Variants in ATP9A observed in about 807,000 individuals in gnomAD.
ATP9A encodes ATPase phospholipid transporting 9A, also known as probable phospholipid-transporting ATPase IIA.
Under a neutral mutation model 144.1 loss-of-function variants are expected in ATP9A, and 52 were observed. The observed-to-expected ratio is 0.36, with a 90% CI of 0.29 to 0.45. ATP9A has a LOEUF of 0.45. Ranked by LOEUF, ATP9A falls within the 20% of genes least tolerant of loss-of-function variation. The pLI, the probability that ATP9A is intolerant of heterozygous loss-of-function variation, is 1.00. For synonymous variants in ATP9A, 582 were observed against 557.4 expected (o/e 1.04, Z -0.62); for missense variants, 947 against 1,392.7 (o/e 0.68, Z 5.09).
At chr20:51,693,269 A>C (rs2077556063) in intron 7 of ATP9A, among the ~76,000 whole-genome samples, 1 of 152,236 alleles carries the variant, frequency 6.6e-6, no homozygotes, top group Non-Finnish European at 1.5e-5. Context: ...GCAAAAGCTC[A>C]GTGGAGTGCG....
rs148894088 is a variant in ATP9A, at chr20:51,743,544, C to T, written c.69-13566G>A. Among the ~76,000 whole-genome samples, 1,123 of 150,596 alleles carry T rather than the reference C, an allele frequency of 7.5e-3. 14 individuals are homozygous for T. Among genetic ancestry groups the T allele is most frequent in the African/African-American group, 0.025 (1,040 of 41,172 alleles). ...CCTCCCGAGTAGCTGGGATTACAGG[C>T]GTGCACCACCACGCCAGGCTAATTT... On this transcript the variant is annotated intron_variant, in intron 1 of 27. Transcript: ENST00000338821.
In ATP9A at chr20:51,597,545, C is replaced by G. The variant is rs1322887169; in HGVS notation, c.*3666G>C. 6.6e-6 allele frequency: 1 copy of G among 151,932 alleles called. No individual in the cohort carries two copies. The highest frequency in any genetic ancestry group is 1.5e-5 in the Non-Finnish European group (1 of 67,974). The allele number at this position is 151,932 out of a possible 1,614,324, so 9.4% of individuals were successfully genotyped here. On this transcript the variant is annotated 3_prime_UTR_variant, in exon 28 of 28. Coordinates refer to ENST00000338821, the MANE Select transcript of ATP9A (RefSeq NM_006045.3). ...TCTCGCTCTTTCACACACACACACACCCCCCACACACTTCAAACATACAGA... is the reference window on the plus strand; with the variant it reads ...TCTCGCTCTTTCACACACACACACAGCCCCCACACACTTCAAACATACAGA...
intron 24 of ATP9A, among the ~76,000 whole-genome samples, chr20:51,608,939 G>GTGTGTGTT (rs2077174571): frequency 6.6e-6 from 1 of 151,758 alleles, no homozygotes; most frequent in East Asian, 1.9e-4. Flanking sequence ...GTGTGTGTGT[G>GTGTGTGTT]TGTGTGTGTG....
At chr20:51,701,319 G>A (rs2077592356) in intron 4 of ATP9A, among the ~76,000 whole-genome samples, 1 of 152,112 alleles carries the variant, frequency 6.6e-6, no homozygotes, top group Non-Finnish European at 1.5e-5. Flanking sequence ...GATCAGCAGG[G>A]CTTTCTCTGG....
At chr20:51,764,582 C>A (rs2122925948) in intron 1 of ATP9A, among the ~76,000 whole-genome samples, 1 of 152,324 alleles carries the variant, frequency 6.6e-6, no homozygotes, top group South Asian at 2.1e-4. Flanking sequence ...AACCACAAAT[C>A]TTCCAACCAT....
intron 9 of ATP9A, among the ~76,000 whole-genome samples, chr20:51,678,355 G>A (rs1468993546): frequency 2.6e-5 from 4 of 152,282 alleles, no homozygotes; most frequent in East Asian, 1.9e-4. Flanking sequence ...ACAAAAATCC[G>A]AAGAGGCTGA....
At chr20:51,715,415 T>TC (rs1260736809) in intron 3 of ATP9A, among the ~76,000 whole-genome samples, 1 of 152,210 alleles carries the variant, frequency 6.6e-6, no homozygotes, top group African/African-American at 2.4e-5. Context: ...GGCTGCCCCC[T>TC]CCACTATGCT....
intron 25 of ATP9A, 68 bp downstream of exon 25, chr20:51,608,450 G>A (rs2077172268): frequency 2.0e-6 from 2 of 993,860 alleles, no homozygotes; most frequent in Non-Finnish European, 1.6e-6. Context: ...AAAAAAGCAG[G>A]GAGGGAGGGA....
Position 51,690,774 on chromosome 20 carries a change from T to C in ATP9A, c.688A>G (p.Ile230Val). The C allele has an allele frequency of 6.2e-7, 1 of 1,614,206 alleles. No individual in the cohort carries two copies. The highest frequency in any genetic ancestry group is 8.5e-7 in the Non-Finnish European group (1 of 1,180,038). ...RSYVYAEEPN[I>V]DIHNFVGTFT... The stretch of plus-strand genomic sequence containing the variant: ...GTTCCCACGAAGTTGTGAATGTCAA[T>C]ATTTGGCTCTTCTGCGTACACATAC... The change falls in exon 8 of 28, where the codon ATT (isoleucine) becomes GTT (valine). Residue 230 changes from isoleucine (I) to valine (V), a missense_variant. Ile to Val is a conservative substitution (Grantham distance 29). Coordinates refer to ENST00000338821, the MANE Select transcript of ATP9A (RefSeq NM_006045.3).
At chr20:51,651,922 C>T (rs1170626754) in intron 14 of ATP9A, among the ~76,000 whole-genome samples, 2 of 150,734 alleles carry the variant, frequency 1.3e-5, no homozygotes, top group East Asian at 1.9e-4. Context: ...GTCTCAAAAG[C>T]GCCTGGCCAA....
chr20:51,632,171 GTGACCTCAACCTGGACCTCC>G (rs2077272631), intron 15 of ATP9A, among the ~76,000 whole-genome samples: 1 of 152,108 alleles, frequency 6.6e-6, no homozygotes, highest in African/African-American at 2.4e-5. Context: ...CTGGACTCGA[GTGACCTCAACCTGGACCTCC>G]TGACCTCAAC....
rs1340859411 is a variant in ATP9A, at chr20:51,729,985, G to T, written c.69-7C>A. On this transcript the variant is annotated splice_region_variant and splice_polypyrimidine_tract_variant and intron_variant, in intron 1 of 27. Coordinates refer to ENST00000338821, the MANE Select transcript of ATP9A (RefSeq NM_006045.3). Reference sequence around the variant, plus strand: ...TCTCAGCCACTCGCAGCACCTGTGGGAAAGAAACCCACGCATCAAGGCCAC... The same window carrying T: ...TCTCAGCCACTCGCAGCACCTGTGGTAAAGAAACCCACGCATCAAGGCCAC... 2 of 1,525,432 alleles carry T rather than the reference G, an allele frequency of 1.3e-6. No individual in the cohort carries two copies. The highest frequency in any genetic ancestry group is 1.8e-6 in the Non-Finnish European group (2 of 1,141,074). The allele number at this position is 1,525,432 out of a possible 1,614,324, so 94.5% of individuals were successfully genotyped here.
chr20:51,658,830 C>G, intron 13 of ATP9A, among the ~76,000 whole-genome samples: 1 of 133,414 alleles, frequency 7.5e-6, no homozygotes, highest in East Asian at 2.4e-4. Context: ...CCCACCTAGG[C>G]TTCCTTTGAA....
intron 4 of ATP9A, among the ~76,000 whole-genome samples, chr20:51,703,428 C>A (rs1040314927): frequency 1.3e-5 from 2 of 152,216 alleles, no homozygotes; most frequent in African/African-American, 2.4e-5. Context: ...GCGGAAAATT[C>A]TCTGCCTGCC....
intron 16 of ATP9A, among the ~76,000 whole-genome samples, chr20:51,628,490 A>G (rs895628575): frequency 1.2e-4 from 18 of 152,314 alleles, no homozygotes; most frequent in Non-Finnish European, 2.1e-4. Flanking sequence ...AGTGACTTCC[A>G]TCTTGTTTGC....
chr20:51,663,239 CAG>C (rs1262461747), intron 13 of ATP9A, among the ~76,000 whole-genome samples: 5 of 152,014 alleles, frequency 3.3e-5, no homozygotes, highest in Non-Finnish European at 5.9e-5. Context: ...GAAAAGAAAA[CAG>C]AGACAGAGAG....
At chr20:51,743,748 C>G (rs1410102879) in intron 1 of ATP9A, among the ~76,000 whole-genome samples, 2 of 144,428 alleles carry the variant, frequency 1.4e-5, no homozygotes, top group Non-Finnish European at 3.0e-5. Context: ...GGTCGTCACG[C>G]CTATAATCCC....
chr20:51,658,515 CCTTT>C (rs1384291947), intron 13 of ATP9A, among the ~76,000 whole-genome samples: 12 of 98,844 alleles, frequency 1.2e-4, no homozygotes, highest in African/African-American at 3.6e-4. Context: ...ACCTATGCTT[CCTTT>C]TTTTTTTTTT....
chr20:51,717,283 C>T (rs6091350), intron 3 of ATP9A, among the ~76,000 whole-genome samples: 1 of 151,870 alleles, frequency 6.6e-6, no homozygotes, highest in Non-Finnish European at 1.5e-5. Flanking sequence ...TTCAGAGTGG[C>T]TAGAAGACGT....
Sources: allele counts gnomAD v4.1 joint callset (sites outside exome capture counted in the v4.1 genomes callset), GRCh38; gene constraint gnomAD v4.1.1; transcripts MANE v1.5; gene names NCBI Gene and HGNC (gene_info 2026-07-23, HGNC 2026-07-21).